Variants in PDE5A observed in about 807,000 individuals in gnomAD.
The protein encoded by PDE5A is cGMP-specific 3',5'-cyclic phosphodiesterase.
In PDE5A, 67 loss-of-function variants were observed where a neutral mutation model predicts 110.2. The observed-to-expected ratio is 0.61, with a 90% CI of 0.50 to 0.75. The LOEUF is 0.75. Among genes scored for constraint, PDE5A ranks in the 30% least tolerant of loss-of-function variants. The pLI is 0.00. For synonymous variants in PDE5A, 328 were observed against 351.2 expected (o/e 0.93, Z 0.74); for missense variants, 862 against 1,045.1 (o/e 0.82, Z 2.42).
At chr4:119,538,893 AT>A in intron 11 of PDE5A, 66 bp downstream of exon 11, 2 of 1,122,410 alleles carry the variant, frequency 1.8e-6, no homozygotes, top group Non-Finnish European at 2.7e-6. Flanking sequence ...CCATCTAAAT[AT>A]TTACCAAATT....
chr4:119,611,301 T>A (rs779727769), intron 1 of PDE5A, among the ~76,000 whole-genome samples: 6 of 152,364 alleles, frequency 3.9e-5, no homozygotes, highest in Non-Finnish European at 8.8e-5. Flanking sequence ...GTGCTACGTG[T>A]TCACTGCTGC....
chr4:119,618,581 T>G (rs1301876047), intron 1 of PDE5A, among the ~76,000 whole-genome samples: 1 of 152,082 alleles, frequency 6.6e-6, no homozygotes, highest in Admixed American at 6.6e-5. Context: ...AAAAAATAAA[T>G]GCAAGAATAT....
intron 1 of PDE5A, among the ~76,000 whole-genome samples, chr4:119,620,762 A>AT (rs1400805888): frequency 2.6e-5 from 4 of 152,224 alleles, no homozygotes; most frequent in African/African-American, 9.7e-5. Flanking sequence ...CTGCCCTGCA[A>AT]TTTTAGTTCT....
intron 13 of PDE5A, chr4:119,519,674 G>A (rs1489062786): frequency 6.6e-6 from 1 of 152,034 alleles, no homozygotes; most frequent in Non-Finnish European, 1.5e-5. Context: ...CATTAATACT[G>A]TTCCCCTTCA....
At chr4:119,550,237 T>C (rs1251379774) in intron 9 of PDE5A, 1 of 152,208 alleles carries the variant, frequency 6.6e-6, no homozygotes, top group East Asian at 1.9e-4. Context: ...TTTTCCTTTC[T>C]TTTTATTTAC....
At chr4:119,550,839 T>C (rs1031761600) in intron 9 of PDE5A, among the ~76,000 whole-genome samples, 17 of 152,252 alleles carry the variant, frequency 1.1e-4, no homozygotes, top group African/African-American at 3.6e-4. Flanking sequence ...GTTTTCCCCT[T>C]GACCTCCCTA....
At position 119,616,420 on chromosome 4, in the gene PDE5A, A is replaced by G. The variant is rs150840060; in HGVS notation, c.153-9123T>C. Among the ~76,000 whole-genome samples the G allele has an allele frequency of 6.6e-5, 10 of 152,306 alleles. No individual in the cohort carries two copies. In the East Asian group the frequency reaches 1.9e-3, roughly 29 times the overall value. On this transcript the variant is annotated intron_variant, in intron 1 of 20. Coordinates refer to ENST00000354960, the MANE Select transcript of PDE5A (RefSeq NM_001083.4). Reference sequence around the variant, plus strand: ...AAATCTTACTCTCGAAACTCTTTACACAATGAATCAAATCAGAAGTTTATT... The same window carrying G: ...AAATCTTACTCTCGAAACTCTTTACGCAATGAATCAAATCAGAAGTTTATT...
intron 17 of PDE5A, among the ~76,000 whole-genome samples, chr4:119,505,031 C>G (rs1725507252): frequency 6.6e-6 from 1 of 151,950 alleles, no homozygotes; most frequent in African/African-American, 2.4e-5. Context: ...GTAGGTCATC[C>G]TAATTCACTC....
intron 16 of PDE5A, among the ~76,000 whole-genome samples, chr4:119,507,314 T>C (rs1387254247): frequency 1.3e-5 from 2 of 151,894 alleles, no homozygotes; most frequent in African/African-American, 4.8e-5. Context: ...ATATAATCTT[T>C]GGACAACATG....
At chr4:119,546,976 T>C (rs1449683325) in intron 9 of PDE5A, among the ~76,000 whole-genome samples, 3 of 151,998 alleles carry the variant, frequency 2.0e-5, no homozygotes, top group African/African-American at 7.2e-5. Context: ...GCTAATTCTT[T>C]TTGGGTTTTC....
At chr4:119,531,404 G>A (rs933088406) in intron 11 of PDE5A, among the ~76,000 whole-genome samples, 1 of 151,956 alleles carries the variant, frequency 6.6e-6, no homozygotes, top group Non-Finnish European at 1.5e-5. Context: ...TCAGCATCCT[G>A]AGTAGCTGCG....
chr4:119,582,641 T>A (rs1483932207), intron 3 of PDE5A, among the ~76,000 whole-genome samples: 1 of 152,200 alleles, frequency 6.6e-6, no homozygotes, highest in African/African-American at 2.4e-5. Context: ...ACGAAATGAA[T>A]TTCTTAAACA....
At chr4:119,552,680 A>G in intron 8 of PDE5A, 43 bp from the exon 9 acceptor site, 1 of 1,096,724 alleles carries the variant, frequency 9.1e-7, no homozygotes, top group Non-Finnish European at 1.3e-6. Flanking sequence ...AATGGTAAAG[A>G]GATTGATTTG....
At chr4:119,530,152 C>G (rs1225398954) in intron 11 of PDE5A, among the ~76,000 whole-genome samples, 1 of 152,082 alleles carries the variant, frequency 6.6e-6, no homozygotes, top group African/African-American at 2.4e-5. Context: ...TTTTTGTGGA[C>G]CCAGTGGTGA....
chr4:119,526,774 A>G (rs1726335383), intron 11 of PDE5A, among the ~76,000 whole-genome samples: 1 of 152,130 alleles, frequency 6.6e-6, no homozygotes, highest in South Asian at 2.1e-4. Context: ...TGGACTTCAG[A>G]TTTCACTTAC....
rs1173681034 is a variant in PDE5A at position 119,495,789 on chromosome 4, C to G, written c.*2812G>C. The G allele has an allele frequency of 6.6e-6, 1 of 152,166 alleles. No individual in the cohort carries two copies. Among genetic ancestry groups the G allele is most frequent in the East Asian group, 1.9e-4 (1 of 5,176 alleles). The allele number at this position is 152,166 out of a possible 1,614,324, so 9.4% of individuals were successfully genotyped here. A position where few individuals can be genotyped will look rare whatever the true frequency, so the allele number is the denominator to read the frequency against. ...TCTAAATCTCACATTCACTAGTGAT[C>G]TGCAAGTGAAGCTGAATAAATATAT... On this transcript the variant is annotated 3_prime_UTR_variant, in exon 21 of 21. Transcript: ENST00000354960.
At chr4:119,602,094 T>C (rs1490208633) in intron 2 of PDE5A, among the ~76,000 whole-genome samples, 3 of 152,170 alleles carry the variant, frequency 2.0e-5, no homozygotes, top group African/African-American at 2.4e-5. Context: ...ATTTTGACTA[T>C]GGACTGTTAA....
chr4:119,603,718 T>A (rs1027028503), intron 2 of PDE5A, among the ~76,000 whole-genome samples: 2 of 152,056 alleles, frequency 1.3e-5, no homozygotes. Context: ...TATGAGACTT[T>A]AAAAAAAATT....
intron 11 of PDE5A, among the ~76,000 whole-genome samples, chr4:119,535,587 T>A (rs757139372): frequency 6.5e-4 from 99 of 152,266 alleles, no homozygotes; most frequent in South Asian, 1.4e-3. Flanking sequence ...TTTATTATTA[T>A]CTCCGCAACT....
Sources: gnomAD v4.1 joint callset for allele counts (sites outside exome capture counted in the v4.1 genomes callset) on GRCh38, gnomAD v4.1.1 for gene constraint, MANE v1.5 for transcripts, NCBI Gene and HGNC (gene_info 2026-07-23, HGNC 2026-07-21) for gene names.